Variants in CDH6 observed in about 807,000 individuals in gnomAD.
CDH6 encodes cadherin-6.
Under a neutral mutation model 78.0 loss-of-function variants are expected in CDH6, and 31 were observed. The ratio of observed to expected loss-of-function variants is 0.40; its 90% CI spans 0.30 to 0.54. The LOEUF (loss-of-function observed/expected upper bound fraction) is 0.54, where lower values mean the gene tolerates loss of function less well. Ranked by LOEUF, CDH6 falls within the 20% of genes least tolerant of loss-of-function variation. The pLI is 0.56. For synonymous variants in CDH6, 376 were observed against 368.8 expected (o/e 1.02, Z -0.23); for missense variants, 724 against 975.9 (o/e 0.74, Z 3.44).
In CDH6 at chr5:31,201,665, G is replaced by A. The variant is rs142679512; in HGVS notation, c.-129+7779G>A. ...CCCTTTAAAAAATAAAACTGTTAAT[G>A]TTCCATGAAATCCAAAAGTCTGGGG... On this transcript the variant is annotated intron_variant, in intron 1 of 11. Coordinates refer to ENST00000265071, the MANE Select transcript of CDH6 (RefSeq NM_004932.4). Among the ~76,000 whole-genome samples, 313 of 152,246 alleles carry A rather than the reference G, an allele frequency of 2.1e-3. 2 individuals carry two copies. The highest frequency in any genetic ancestry group is 0.013 in the East Asian group (69 of 5,188).
chr5:31,277,485 A>G (rs1451274161), intron 2 of CDH6, among the ~76,000 whole-genome samples: 2 of 152,214 alleles, frequency 1.3e-5, no homozygotes, highest in African/African-American at 4.8e-5. Flanking sequence ...AATTGAACCA[A>G]AGTTTTATTT....
At chr5:31,234,094 C>A (rs1579837883) in intron 1 of CDH6, among the ~76,000 whole-genome samples, 1 of 152,192 alleles carries the variant, frequency 6.6e-6, no homozygotes, top group East Asian at 1.9e-4. Context: ...GTTCTTAATA[C>A]TTTGACTAAG....
rs1738654832 is a variant in CDH6 at position 31,328,044 on chromosome 5, G to A, written c.*4736G>A. On this transcript the variant is annotated 3_prime_UTR_variant, in exon 12 of 12. Transcript: ENST00000265071. ...AGCCCAACAGAGCCGGCAGATGAAA[G>A]TGTTGAAAAGAGGTCAAATGGAAAC... 1 of 217,710 alleles carries A rather than the reference G, an allele frequency of 4.6e-6. No individual in the cohort carries two copies. The highest frequency in any genetic ancestry group is 9.2e-6 in the Non-Finnish European group (1 of 108,286). The allele number at this position is 217,710 out of a possible 1,614,324, so 13.5% of individuals were successfully genotyped here.
intron 1 of CDH6, among the ~76,000 whole-genome samples, chr5:31,237,379 G>A (rs945526517): frequency 2.6e-5 from 4 of 152,050 alleles, no homozygotes; most frequent in Admixed American, 6.6e-5. Context: ...ATCATATGGC[G>A]AACACTTTGA....
chr5:31,208,894 T>C (rs1740614392), intron 1 of CDH6, among the ~76,000 whole-genome samples: 1 of 152,202 alleles, frequency 6.6e-6, no homozygotes, highest in Non-Finnish European at 1.5e-5. Flanking sequence ...CAACTGATTA[T>C]GTAGTCCAAT....
chr5:31,272,551 C>G (rs1440398445), intron 2 of CDH6, among the ~76,000 whole-genome samples: 1 of 152,150 alleles, frequency 6.6e-6, no homozygotes, highest in Non-Finnish European at 1.5e-5. Context: ...GACGTAGATA[C>G]AGATTAGATT....
chr5:31,276,532 T>G (rs4516863), intron 2 of CDH6, among the ~76,000 whole-genome samples: 42,574 of 152,114 alleles, frequency 0.28, 7,029 homozygotes, highest in Admixed American at 0.36. Context: ...ATAAAAAGCT[T>G]GAAATATCAC....
At chr5:31,258,297 C>T (rs1742113114) in intron 1 of CDH6, among the ~76,000 whole-genome samples, 1 of 152,190 alleles carries the variant, frequency 6.6e-6, no homozygotes, top group African/African-American at 2.4e-5. Context: ...CCATAGAATG[C>T]TATGCAGCCA....
intron 2 of CDH6, among the ~76,000 whole-genome samples, chr5:31,278,342 C>G (rs1203593880): frequency 6.6e-6 from 1 of 152,048 alleles, no homozygotes; most frequent in Non-Finnish European, 1.5e-5. Context: ...CTCAAGCTTC[C>G]TTAGTGCAAA....
intron 1 of CDH6, among the ~76,000 whole-genome samples, chr5:31,204,640 T>C (rs1180805775): frequency 3.3e-5 from 5 of 152,176 alleles, no homozygotes; most frequent in Non-Finnish European, 5.9e-5. Context: ...TAAACCAAAA[T>C]GGATTTTTAA....
intron 2 of CDH6, among the ~76,000 whole-genome samples, chr5:31,293,070 G>A (rs1026224449): frequency 2.6e-5 from 4 of 151,796 alleles, no homozygotes; most frequent in East Asian, 1.9e-4. Flanking sequence ...CTATTTCCAC[G>A]GTATCCTTAG....
At chr5:31,221,477 A>C (rs1173405265) in intron 1 of CDH6, among the ~76,000 whole-genome samples, 3 of 152,212 alleles carry the variant, frequency 2.0e-5, no homozygotes, top group Non-Finnish European at 4.4e-5. Context: ...ATTTTCAAAA[A>C]ACTTATTTCA....
intron 2 of CDH6, among the ~76,000 whole-genome samples, chr5:31,272,451 C>T (rs566906655): frequency 1.3e-5 from 2 of 152,298 alleles, no homozygotes; most frequent in South Asian, 4.1e-4. Flanking sequence ...CTGTAACTCT[C>T]TAGCCTGTTT....
At chr5:31,214,020 C>T (rs1361183206) in intron 1 of CDH6, among the ~76,000 whole-genome samples, 3 of 152,036 alleles carry the variant, frequency 2.0e-5, no homozygotes, top group Non-Finnish European at 4.4e-5. Context: ...AACTCCCTAC[C>T]CCTGTGGCAT....
intron 6 of CDH6, among the ~76,000 whole-genome samples, chr5:31,303,939 G>A (rs1004422450): frequency 6.6e-6 from 1 of 152,032 alleles, no homozygotes; most frequent in African/African-American, 2.4e-5. Flanking sequence ...TTGCCTAGAC[G>A]ACTAAATCAC....
chr5:31,313,529 CT>C (rs748303694), intron 8 of CDH6, 75 bp downstream of exon 8: 8 of 1,384,830 alleles, frequency 5.8e-6, no homozygotes, highest in East Asian at 4.7e-5. Context: ...TGGAGCGTAG[CT>C]TGTCACCATG....
At chr5:31,222,371 A>G (rs1323722322) in intron 1 of CDH6, among the ~76,000 whole-genome samples, 1 of 152,212 alleles carries the variant, frequency 6.6e-6, no homozygotes, top group Non-Finnish European at 1.5e-5. Flanking sequence ...AAAGTGAATT[A>G]GATATAAGTA....
At chr5:31,302,959 GA>G (rs1437820905) in intron 6 of CDH6, among the ~76,000 whole-genome samples, 23 of 121,518 alleles carry the variant, frequency 1.9e-4, no homozygotes, top group Non-Finnish European at 4.1e-4. Flanking sequence ...AAGAAAGAAG[GA>G]AAGAAAAGAA....
At chr5:31,302,964 A>AAAG (rs1238222776) in intron 6 of CDH6, among the ~76,000 whole-genome samples, 33,523 of 111,398 alleles carry the variant, frequency 0.3, 5,589 homozygotes, top group East Asian at 0.45. Context: ...AGAAGGAAAG[A>AAAG]AAAGAAAGAA....
Sources: gnomAD v4.1 joint callset for allele counts (sites outside exome capture counted in the v4.1 genomes callset) on GRCh38, gnomAD v4.1.1 for gene constraint, MANE v1.5 for transcripts, NCBI Gene and HGNC (gene_info 2026-07-23, HGNC 2026-07-21) for gene names.